The following CNTNAP5 variants were observed in gnomAD, a reference collection of about 807,000 sequenced individuals.
CNTNAP5 encodes contactin-associated protein-like 5.
In CNTNAP5, 72 loss-of-function variants were observed where a neutral mutation model predicts 150.2. The ratio of observed to expected loss-of-function variants is 0.48; its 90% CI spans 0.40 to 0.58. The LOEUF is 0.58. Ranked by LOEUF, CNTNAP5 falls within the 20% of genes least tolerant of loss-of-function variation. The pLI is 0.00. For synonymous variants in CNTNAP5, 672 were observed against 619.8 expected, an observed-to-expected ratio of 1.08 and a Z score of -1.25; for missense variants, 1,636 against 1,626.2, an observed-to-expected ratio of 1.01 and a Z score of -0.10.
In CNTNAP5 at chr2:124,878,425, T is replaced by C. The variant is rs566139659; in HGVS notation, c.3436+8663T>C. On this transcript the variant is annotated intron_variant, in intron 21 of 23. Transcript: ENST00000682447. ...ATGTGCCTAGGATGATGCCTGCCAT[T>C]TAATAACAGCTCAGTAAGGTTTGTA... Among the ~76,000 whole-genome samples, 7 of 152,126 alleles carry C rather than the reference T, an allele frequency of 4.6e-5. No homozygotes were observed. The South Asian group carries it at 1.4e-3, about 32-fold the overall frequency.
intron 3 of CNTNAP5, among the ~76,000 whole-genome samples, chr2:124,309,801 G>C (rs77805518): frequency 0.056 from 8,469 of 152,278 alleles, 364 homozygotes; most frequent in Non-Finnish European, 0.085. Flanking sequence ...AGACATGAAA[G>C]AGAAGGGCTC....
chr2:124,478,466 A>G (rs1693692833), intron 7 of CNTNAP5, among the ~76,000 whole-genome samples: 1 of 152,096 alleles, frequency 6.6e-6, no homozygotes, highest in Non-Finnish European at 1.5e-5. Flanking sequence ...TTTTCTTCCA[A>G]ATTGCTTCCA....
chr2:124,867,691 C>G (rs1677661271), intron 20 of CNTNAP5, among the ~76,000 whole-genome samples: 1 of 138,158 alleles, frequency 7.2e-6, no homozygotes, highest in Non-Finnish European at 1.6e-5. Flanking sequence ...AGGACTCCAG[C>G]TTCTGCTTTT....
At chr2:124,408,162 T>C (rs996515539) in intron 3 of CNTNAP5, among the ~76,000 whole-genome samples, 1 of 152,176 alleles carries the variant, frequency 6.6e-6, no homozygotes, top group Non-Finnish European at 1.5e-5. Flanking sequence ...ACCCGAATAC[T>C]GCGCTTTTCC....
intron 19 of CNTNAP5, among the ~76,000 whole-genome samples, chr2:124,815,495 A>G (rs946308502): frequency 1.3e-5 from 2 of 152,202 alleles, no homozygotes; most frequent in Non-Finnish European, 2.9e-5. Context: ...GAAATGGGCT[A>G]TCGGAAACTT....
At chr2:124,345,122 A>G (rs1015638601) in intron 3 of CNTNAP5, among the ~76,000 whole-genome samples, 6 of 152,224 alleles carry the variant, frequency 3.9e-5, no homozygotes, top group Admixed American at 6.5e-5. Flanking sequence ...GGGAGAAGAA[A>G]GTAGACAATG....
Position 124,597,286 on chromosome 2 carries a change from G to A in CNTNAP5, c.1757-12515G>A, listed in dbSNP as rs1295247865. ...GATTTTGCAGCGGCTGGTACCGGTTGTTCCTTTCCATGTTTAGCGCTTCCT... is the reference window on the plus strand; with the variant it reads ...GATTTTGCAGCGGCTGGTACCGGTTATTCCTTTCCATGTTTAGCGCTTCCT... On this transcript the variant is annotated intron_variant, in intron 11 of 23. Transcript: ENST00000682447. 1.1e-4 allele frequency among the ~76,000 whole-genome samples: 16 copies of A among 150,756 alleles called. No homozygotes were observed. The South Asian group carries it at 3.2e-3, about 30-fold the overall frequency.
chr2:124,680,243 G>C (rs1043917812), intron 13 of CNTNAP5, among the ~76,000 whole-genome samples: 2 of 151,794 alleles, frequency 1.3e-5, no homozygotes, highest in Non-Finnish European at 2.9e-5. Context: ...GGCCAGGTTA[G>C]GTTCCTCCTT....
intron 10 of CNTNAP5, among the ~76,000 whole-genome samples, chr2:124,556,252 C>G (rs1294758376): frequency 6.6e-6 from 1 of 152,122 alleles, no homozygotes; most frequent in African/African-American, 2.4e-5. Context: ...GTTATTCACC[C>G]TCATCTAGTC....
At chr2:124,247,871 A>G (rs906152966) in intron 3 of CNTNAP5, among the ~76,000 whole-genome samples, 2 of 152,176 alleles carry the variant, frequency 1.3e-5, no homozygotes, top group African/African-American at 2.4e-5. Context: ...TTTGTTAAAT[A>G]ATAAAGACTA....
At chr2:124,067,993 C>A (rs775057086) in intron 1 of CNTNAP5, among the ~76,000 whole-genome samples, 6 of 151,858 alleles carry the variant, frequency 4.0e-5, no homozygotes, top group Non-Finnish European at 7.4e-5. Context: ...ACAATAAAAC[C>A]AAAGAAAAAG....
chr2:124,057,951 A>G (rs887454435), intron 1 of CNTNAP5, among the ~76,000 whole-genome samples: 29 of 152,140 alleles, frequency 1.9e-4, no homozygotes, highest in Non-Finnish European at 4.4e-5. Context: ...CCGTAAATAT[A>G]TACACCTACT....
At chr2:124,527,139 C>A in intron 9 of CNTNAP5, 146 bp from the exon 10 acceptor site, 1 of 621,476 alleles carries the variant, frequency 1.6e-6, no homozygotes, top group Non-Finnish European at 2.8e-6. Flanking sequence ...CCTGAGAATG[C>A]TAGGATTTAT....
chr2:124,611,225 C>G (rs1193405887), intron 12 of CNTNAP5, among the ~76,000 whole-genome samples: 1 of 152,184 alleles, frequency 6.6e-6, no homozygotes, highest in Admixed American at 6.5e-5. Flanking sequence ...AAGTAAGACA[C>G]AGTGGCTGTT....
Position 124,087,582 on chromosome 2 carries a change from C to T in CNTNAP5, c.82+61850C>T, listed in dbSNP as rs576287979. On this transcript the variant is annotated intron_variant, in intron 1 of 23. Coordinates refer to ENST00000682447, the MANE Select transcript of CNTNAP5 (RefSeq NM_001367498.1). ...ACTAAAAATACAAAAATTAGCTGGG[C>T]GTGGTGGCGTGGGCCTGTAGTCCTA... Among the ~76,000 whole-genome samples, 224 of 151,804 alleles carry T rather than the reference C, an allele frequency of 1.5e-3. 7 individuals are homozygous for T. The highest frequency in any genetic ancestry group is 3.4e-3 in the Middle Eastern group (1 of 294).
chr2:124,308,132 T>G (rs1479694292), intron 3 of CNTNAP5, among the ~76,000 whole-genome samples: 1 of 152,224 alleles, frequency 6.6e-6, no homozygotes, highest in Admixed American at 6.5e-5. Context: ...GAAGAAATGT[T>G]GGGCTTACAT....
chr2:124,758,880 G>C (rs1680897583), intron 14 of CNTNAP5, among the ~76,000 whole-genome samples: 1 of 152,116 alleles, frequency 6.6e-6, no homozygotes, highest in African/African-American at 2.4e-5. Context: ...CAAGCCAAGA[G>C]AAAGCAAATC....
rs536142441 is a variant in CNTNAP5, at chr2:124,349,646, C to T, written c.382-67797C>T. 2.0e-4 allele frequency among the ~76,000 whole-genome samples: 31 copies of T among 152,236 alleles called. No homozygotes were observed. The South Asian group carries it at 6.2e-3, about 31-fold the overall frequency. ...AGAAACTATACTTCCAATTCAGTGG[C>T]ATTTCCTTCAACATAGTCACAGTGG... On this transcript the variant is annotated intron_variant, in intron 3 of 23. Transcript: ENST00000682447.
chr2:124,727,974 C>G (rs1272412467), intron 13 of CNTNAP5, among the ~76,000 whole-genome samples: 1 of 151,964 alleles, frequency 6.6e-6, no homozygotes, highest in Non-Finnish European at 1.5e-5. Context: ...TATTGAGGTA[C>G]ATTCCTTCTA....
Sources: gnomAD v4.1 joint callset for allele counts (sites outside exome capture counted in the v4.1 genomes callset) on GRCh38, gnomAD v4.1.1 for gene constraint, MANE v1.5 for transcripts, NCBI Gene and HGNC (gene_info 2026-07-23, HGNC 2026-07-21) for gene names.